Variants in EGFLAM observed in about 807,000 individuals in gnomAD.
EGFLAM encodes EGF like, fibronectin type III and laminin G domains.
Under a neutral mutation model 113.1 loss-of-function variants are expected in EGFLAM, and 79 were observed. The observed-to-expected ratio is 0.70, with a 90% CI of 0.58 to 0.84. The LOEUF (loss-of-function observed/expected upper bound fraction) is 0.84, where lower values mean the gene tolerates loss of function less well. Among genes scored for constraint, EGFLAM ranks in the 40% least tolerant of loss-of-function variants. EGFLAM has a pLI of 0.00. For synonymous variants in EGFLAM, 504 were observed against 487.6 expected (o/e 1.03, Z -0.44); for missense variants, 1,265 against 1,291.6 (o/e 0.98, Z 0.32).
At chr5:38,276,224 G>A (rs1000313525) in intron 1 of EGFLAM, among the ~76,000 whole-genome samples, 39 of 152,072 alleles carry the variant, frequency 2.6e-4, no homozygotes, top group African/African-American at 4.8e-5. Context: ...TCACTATCAC[G>A]AGAACAACAC....
At chr5:38,336,091 G>A (rs995175862) in intron 1 of EGFLAM, among the ~76,000 whole-genome samples, 2 of 152,024 alleles carry the variant, frequency 1.3e-5, no homozygotes, top group African/African-American at 2.4e-5. Context: ...TAGCAATAGC[G>A]GGATGACAAA....
At chr5:38,461,314 C>T (rs370575203) in intron 20 of EGFLAM, 93 of 152,194 alleles carry the variant, frequency 6.1e-4, no homozygotes, top group African/African-American at 2.2e-3. Context: ...GTCTTGCATT[C>T]TAATGGGAAG....
At chr5:38,322,249 C>T (rs544892584) in intron 1 of EGFLAM, among the ~76,000 whole-genome samples, 9 of 152,326 alleles carry the variant, frequency 5.9e-5, no homozygotes, top group African/African-American at 2.2e-4. Context: ...AGTTCACCCT[C>T]AGAAGGACAC....
At position 38,407,816 on chromosome 5, in the gene EGFLAM, C is replaced by G. The variant is rs766663038; in HGVS notation, c.1159C>G (p.Gln387Glu). The G allele has an allele frequency of 3.7e-6, 6 of 1,610,872 alleles. No homozygotes were observed. The highest frequency in any genetic ancestry group is 5.1e-6 in the Non-Finnish European group (6 of 1,177,740). ...TTTTTCTTCTTCAGATATTGTTATC[C>G]AGTATCCTCAGTTCTTTGGCCACTC... Reference protein sequence around the residue: ...GESCSEDIVIQYPQFFGHSYV... With the variant: ...GESCSEDIVIEYPQFFGHSYV... The change falls in exon 9 of 22, where the codon CAG becomes GAG. Residue 387 changes from glutamine (Q) to glutamate (E), a missense_variant. Gln to Glu is a conservative substitution (Grantham distance 29). Coordinates refer to ENST00000322350, the MANE Select transcript of EGFLAM (RefSeq NM_152403.4).
intron 5 of EGFLAM, among the ~76,000 whole-genome samples, chr5:38,360,701 G>A (rs1276924905): frequency 1.3e-5 from 2 of 152,122 alleles, no homozygotes; most frequent in Non-Finnish European, 2.9e-5. Context: ...GCCTAGAACA[G>A]CGCCTAGCCC....
intron 20 of EGFLAM, 74 bp from the exon 21 acceptor site, chr5:38,462,834 T>G: frequency 6.7e-7 from 1 of 1,501,364 alleles, no homozygotes; most frequent in Non-Finnish European, 9.2e-7. Flanking sequence ...ACATTTGTAT[T>G]GAAATGAATG....
At chr5:38,424,151 AC>A (rs1741924763) in intron 12 of EGFLAM, among the ~76,000 whole-genome samples, 1 of 152,192 alleles carries the variant, frequency 6.6e-6, no homozygotes, top group African/African-American at 2.4e-5. Context: ...GATTTCTTAC[AC>A]ACAAAGAGAA....
intron 6 of EGFLAM, among the ~76,000 whole-genome samples, chr5:38,395,853 G>A (rs1032562975): frequency 6.6e-6 from 1 of 152,134 alleles, no homozygotes; most frequent in African/African-American, 2.4e-5. Context: ...TACTATGTAT[G>A]TCAATTTTCG....
rs756401410 is a variant in EGFLAM at position 38,412,626 on chromosome 5, C to A, written c.1472C>A (p.Thr491Asn). The change falls in exon 11 of 22, where the codon ACC becomes AAC. Residue 491 changes from threonine (T) to asparagine (N), a missense_variant. Thr to Asn is a moderately conservative substitution (Grantham distance 65). Transcript: ENST00000322350. Reference sequence around the variant, plus strand: ...GGGCTGCTGCAGCTGAACAATGGCACCCCAGTGACAGGCCAGTCTCAGGTA... The same window carrying A: ...GGGCTGCTGCAGCTGAACAATGGCAACCCAGTGACAGGCCAGTCTCAGGTA... ...LNGLLQLNNG[T>N]PVTGQSQGQY... 2 of 1,614,068 alleles carry A rather than the reference C, an allele frequency of 1.2e-6. No homozygotes were observed. The highest frequency in any genetic ancestry group is 1.7e-6 in the Non-Finnish European group (2 of 1,180,006).
intron 6 of EGFLAM, chr5:38,401,267 C>T (rs551091578): frequency 1.7e-4 from 26 of 152,306 alleles, no homozygotes; most frequent in African/African-American, 6.0e-4. Context: ...CACCTACACT[C>T]TAACCCTTGG....
At chr5:38,420,850 C>T (rs1468955149) in intron 12 of EGFLAM, among the ~76,000 whole-genome samples, 2 of 152,162 alleles carry the variant, frequency 1.3e-5, no homozygotes, top group African/African-American at 2.4e-5. Flanking sequence ...ACCAAAAGGA[C>T]CTCTCTTGTG....
chr5:38,398,971 C>T (rs979753947), intron 6 of EGFLAM, among the ~76,000 whole-genome samples: 11 of 152,174 alleles, frequency 7.2e-5, no homozygotes, highest in African/African-American at 2.7e-4. Flanking sequence ...ACACAGTCAG[C>T]AGAGGAAGAT....
intron 19 of EGFLAM, among the ~76,000 whole-genome samples, chr5:38,455,641 G>T (rs1369442382): frequency 1.3e-5 from 2 of 152,120 alleles, no homozygotes; most frequent in Non-Finnish European, 2.9e-5. Flanking sequence ...GAAGCGGGAG[G>T]TTCTTTGGAG....
chr5:38,435,300 A>G lies in EGFLAM; in HGVS notation c.2283+47A>G, dbSNP rs369560871. 3 of 1,370,244 alleles carry G rather than the reference A, an allele frequency of 2.2e-6. No individual in the cohort carries two copies. In the African/African-American group the frequency reaches 4.3e-5, roughly 20 times the overall value. The allele number at this position is 1,370,244 out of a possible 1,614,324, so 84.9% of individuals were successfully genotyped here. ...GTTTACTGGGCCACCCAGACTGTAG[A>G]CAAAGAAAGTGAGGATTATGATCAG... On this transcript the variant is annotated intron_variant, in intron 16 of 21. Coordinates refer to ENST00000322350, the MANE Select transcript of EGFLAM (RefSeq NM_152403.4).
chr5:38,445,624 C>G (rs1742682145), intron 17 of EGFLAM: 9 of 1,598,310 alleles, frequency 5.6e-6, no homozygotes, highest in Non-Finnish European at 6.8e-6. Context: ...TGGGATTTGA[C>G]AAGGACTGTG....
chr5:38,366,845 A>G (rs888969962), intron 5 of EGFLAM, among the ~76,000 whole-genome samples: 16 of 152,216 alleles, frequency 1.1e-4, no homozygotes, highest in African/African-American at 3.6e-4. Flanking sequence ...GTCCTCAGAC[A>G]CTTGGACCAA....
intron 1 of EGFLAM, among the ~76,000 whole-genome samples, chr5:38,271,445 C>G (rs1455446219): frequency 6.6e-6 from 1 of 152,172 alleles, no homozygotes; most frequent in Non-Finnish European, 1.5e-5. Context: ...TTTCCAAACT[C>G]TAAAGCTGGG....
In EGFLAM at chr5:38,322,298, C is replaced by T. The variant is rs189912421; in HGVS notation, c.98-15222C>T. On this transcript the variant is annotated intron_variant, in intron 1 of 21. Coordinates refer to ENST00000322350, the MANE Select transcript of EGFLAM (RefSeq NM_152403.4). ...GCCACTGAGGACCAGGAAAAGGGCT[C>T]GGGACTCTCTGGGCAGGGAATTCCA... Among the ~76,000 whole-genome samples the T allele has an allele frequency of 4.9e-4, 74 of 152,242 alleles. 1 individual carries two copies. The highest frequency in any genetic ancestry group is 3.4e-3 in the Middle Eastern group (1 of 294).
At chr5:38,370,209 A>C (rs958221678) in intron 5 of EGFLAM, 87 bp from the exon 6 acceptor site, 29 of 1,361,610 alleles carry the variant, frequency 2.1e-5, no homozygotes, top group Non-Finnish European at 2.4e-5. Flanking sequence ...CCAGAGTTCA[A>C]ATGCTATTAG....
Sources: allele counts gnomAD v4.1 joint callset (sites outside exome capture counted in the v4.1 genomes callset), GRCh38; gene constraint gnomAD v4.1.1; transcripts MANE v1.5; gene names NCBI Gene and HGNC (gene_info 2026-07-23, HGNC 2026-07-21).